The following HTR4 variants were observed in gnomAD, a reference collection of about 807,000 sequenced individuals.
HTR4 encodes the protein 5-hydroxytryptamine (serotonin) receptor 4, G protein-coupled.
HTR4 carries 16 observed loss-of-function variants against 36.8 expected under a neutral mutation model. That is an observed-to-expected ratio of 0.43 (90% confidence interval 0.29 to 0.66). HTR4 has a LOEUF of 0.66. HTR4 is among the 30% of genes least tolerant of loss of function. The probability of loss-of-function intolerance (pLI) is 0.13; values close to 1 mark genes in which losing one functional copy is unlikely to be tolerated. For synonymous variants in HTR4, 189 were observed against 185.1 expected (o/e 1.02, Z -0.17); for missense variants, 438 against 490.9 (o/e 0.89, Z 1.02).
At chr5:148,568,578 A>T (rs1425974160) in intron 2 of HTR4, among the ~76,000 whole-genome samples, 1 of 152,086 alleles carries the variant, frequency 6.6e-6, no homozygotes, top group African/African-American at 2.4e-5. Flanking sequence ...AGACACACAC[A>T]TTTATAAGTA....
chr5:148,455,360 G>A (rs1331280116), intron 5 of HTR4, among the ~76,000 whole-genome samples: 1 of 152,176 alleles, frequency 6.6e-6, no homozygotes, highest in African/African-American at 2.4e-5. Context: ...TATCCTAGTT[G>A]AGAAGGCAAC....
intron 4 of HTR4, among the ~76,000 whole-genome samples, chr5:148,537,502 AAAG>A: frequency 6.6e-6 from 1 of 152,300 alleles, no homozygotes; most frequent in Middle Eastern, 3.4e-3. Context: ...CTAAAGTAAT[AAAG>A]AAGAAAAGAG....
intron 5 of HTR4, among the ~76,000 whole-genome samples, chr5:148,451,692 C>T (rs1338063899): frequency 6.6e-6 from 1 of 152,144 alleles, no homozygotes; most frequent in Non-Finnish European, 1.5e-5. Flanking sequence ...GATGAATAAA[C>T]CACTCAGAGC....
At chr5:148,580,600 C>A (rs1179990803) in intron 2 of HTR4, among the ~76,000 whole-genome samples, 1 of 152,044 alleles carries the variant, frequency 6.6e-6, no homozygotes, top group African/African-American at 2.4e-5. Flanking sequence ...TTAGATGCCT[C>A]ATTTAAAACG....
Position 148,458,536 on chromosome 5 carries a change from A to G in HTR4, c.1077-7264T>C, listed in dbSNP as rs182806671. On this transcript the variant is annotated intron_variant, in intron 5 of 5. Coordinates refer to the HTR4 transcript ENST00000521530. Reference sequence around the variant, plus strand: ...AGGTATTTGGTGATGCTATGAGAGCATGTCAGAGGGGGGATGAGATCTCGG... The same window carrying G: ...AGGTATTTGGTGATGCTATGAGAGCGTGTCAGAGGGGGGATGAGATCTCGG... 7.9e-5 allele frequency among the ~76,000 whole-genome samples: 12 copies of G among 152,202 alleles called. No homozygotes were observed. The East Asian group carries it at 1.9e-3, about 25-fold the overall frequency.
At position 148,644,434 on chromosome 5, in the gene HTR4, T is replaced by G. The variant is rs868353671; in HGVS notation, c.-47-7373A>C. On this transcript the variant is annotated intron_variant, in intron 1 of 6. Transcript: ENST00000377888. ...CTCAAGCTCACAAGTTTTTTTTTTTTTTTTTTTTTTTTTTTTTTTTTGCTG... is the reference window on the plus strand; with the variant it reads ...CTCAAGCTCACAAGTTTTTTTTTTTGTTTTTTTTTTTTTTTTTTTTTGCTG... 5.7e-5 allele frequency among the ~76,000 whole-genome samples: 8 copies of G among 141,034 alleles called. No individual in the cohort carries two copies. The South Asian group carries it at 1.2e-3, about 22-fold the overall frequency. The allele number at this position is 141,034 out of a possible 152,430, so 92.5% of individuals were successfully genotyped here.
intron 1 of HTR4, chr5:148,645,460 T>C (rs1007982106): frequency 6.6e-6 from 1 of 151,982 alleles, no homozygotes; most frequent in Non-Finnish European, 1.5e-5. Context: ...GTAAACATCT[T>C]TTTTTTTGCT....
intron 2 of HTR4, among the ~76,000 whole-genome samples, chr5:148,567,275 T>C (rs72832072): frequency 2.6e-5 from 4 of 152,234 alleles, no homozygotes; most frequent in Non-Finnish European, 5.9e-5. Flanking sequence ...GTCCTGAATC[T>C]AACCACTTCT....
chr5:148,629,449 A>G (rs1339900139), intron 2 of HTR4: 2 of 152,176 alleles, frequency 1.3e-5, no homozygotes, highest in Non-Finnish European at 2.9e-5. Flanking sequence ...TTTCATTATC[A>G]AGGAGCTTCT....
At chr5:148,645,340 C>T (rs1561666662) in intron 1 of HTR4, 2 of 152,206 alleles carry the variant, frequency 1.3e-5, no homozygotes, top group Admixed American at 6.5e-5. Flanking sequence ...ATGGACATGG[C>T]TGTGTTCCAA....
At chr5:148,550,401 T>A in intron 2 of HTR4, 139 bp from the exon 3 acceptor site, 1 of 933,016 alleles carries the variant, frequency 1.1e-6, no homozygotes, top group Non-Finnish European at 1.6e-6. Flanking sequence ...GCGTTTAATG[T>A]ACACCAAAAT....
intron 2 of HTR4, among the ~76,000 whole-genome samples, chr5:148,597,025 A>G (rs139302453): frequency 2.7e-3 from 410 of 152,270 alleles, no homozygotes; most frequent in Non-Finnish European, 3.9e-3. Flanking sequence ...CCTGAGTAGG[A>G]CATCCTTTCC....
At chr5:148,547,586 A>G (rs948897588) in intron 4 of HTR4, among the ~76,000 whole-genome samples, 9 of 145,418 alleles carry the variant, frequency 6.2e-5, no homozygotes, top group Non-Finnish European at 1.2e-4. Context: ...AAAATAAATG[A>G]AAATAAAAAT....
Position 148,482,603 on chromosome 5 carries a change from A to G in HTR4, c.*600T>C. 1.0e-6 allele frequency: 1 copy of G among 987,478 alleles called. No homozygotes were observed. The highest frequency in any genetic ancestry group is 1.2e-6 in the Non-Finnish European group (1 of 831,214). The allele number at this position is 987,478 out of a possible 1,614,324, so 61.2% of individuals were successfully genotyped here. A position where few individuals can be genotyped will look rare whatever the true frequency, so the allele number is the denominator to read the frequency against. On this transcript the variant is annotated 3_prime_UTR_variant, in exon 7 of 7. Transcript: ENST00000377888. ...AGCAAGTGGACGTCTGGGACTGACAAGGGGGCCAACCAAGAGGATGCACGT... is the reference window on the plus strand; with the variant it reads ...AGCAAGTGGACGTCTGGGACTGACAGGGGGGCCAACCAAGAGGATGCACGT...
At chr5:148,525,517 C>A (rs1247679481) in intron 4 of HTR4, among the ~76,000 whole-genome samples, 1 of 152,024 alleles carries the variant, frequency 6.6e-6, no homozygotes, top group Non-Finnish European at 1.5e-5. Flanking sequence ...AGGGGTGACC[C>A]GATCAGACTT....
chr5:148,512,967 C>T (rs116175185), intron 5 of HTR4, among the ~76,000 whole-genome samples: 2,174 of 151,702 alleles, frequency 0.014, 27 homozygotes, highest in Middle Eastern at 0.048. Flanking sequence ...CATTCTTTTA[C>T]ATGATCAGTT....
At chr5:148,586,494 CAGAG>C (rs1358413853) in intron 2 of HTR4, among the ~76,000 whole-genome samples, 2 of 151,938 alleles carry the variant, frequency 1.3e-5, no homozygotes, top group African/African-American at 2.4e-5. Context: ...CGGCAGGAGA[CAGAG>C]AGAGAGCGAA....
chr5:148,592,356 C>T (rs1436117915), intron 2 of HTR4, among the ~76,000 whole-genome samples: 3 of 151,934 alleles, frequency 2.0e-5, no homozygotes, highest in South Asian at 2.1e-4. Context: ...ACCTATGTAA[C>T]AAAACTTCAC....
chr5:148,483,079 C>A lies in HTR4; in HGVS notation c.*124G>T. 3 of 1,510,158 alleles carry A rather than the reference C, an allele frequency of 2.0e-6. No homozygotes were observed. The highest frequency in any genetic ancestry group is 2.7e-6 in the Non-Finnish European group (3 of 1,123,608). The allele number at this position is 1,510,158 out of a possible 1,614,324, so 93.5% of individuals were successfully genotyped here. ...GAAAAGCCCAGCGAGCACCGGGTTC[C>A]TGCACTGGCGGACGGAAAGCCTCAG... On this transcript the variant is annotated 3_prime_UTR_variant, in exon 7 of 7. Transcript: ENST00000377888.
Sources: allele counts gnomAD v4.1 joint callset (sites outside exome capture counted in the v4.1 genomes callset), GRCh38; gene constraint gnomAD v4.1.1; transcripts MANE v1.5; gene names NCBI Gene and HGNC (gene_info 2026-07-23, HGNC 2026-07-21).